PSAP: variants seen among roughly 807,000 people sequenced by gnomAD.
PSAP encodes the protein precursor of saposins.
Under a neutral mutation model 66.0 loss-of-function variants are expected in PSAP, and 25 were observed. The ratio of observed to expected loss-of-function variants is 0.38; its 90% CI spans 0.28 to 0.53. The LOEUF (loss-of-function observed/expected upper bound fraction) is 0.53. Among genes scored for constraint, PSAP ranks in the 20% least tolerant of loss-of-function variants. PSAP has a pLI of 0.83. For synonymous variants in PSAP, 273 were observed against 258.9 expected (o/e 1.05, Z -0.52); for missense variants, 649 against 668.8 (o/e 0.97, Z 0.33).
intron 1 of PSAP, among the ~76,000 whole-genome samples, chr10:71,849,699 G>A (rs1842890555): frequency 6.6e-6 from 1 of 151,868 alleles, no homozygotes; most frequent in Non-Finnish European, 1.5e-5. Flanking sequence ...TTCACAGGTG[G>A]GGTCTTGCTA....
chr10:71,835,259 T>A (rs918378993), intron 1 of PSAP, among the ~76,000 whole-genome samples: 7 of 149,336 alleles, frequency 4.7e-5, no homozygotes, highest in East Asian at 3.9e-4. Context: ...AAATAAAAAT[T>A]AAAATTAAAA....
rs1258427230 is a variant in PSAP at position 71,819,790 on chromosome 10, C to A, written c.1116G>T (p.Leu372=). The A allele has an allele frequency of 6.2e-7, 1 of 1,613,940 alleles. No homozygotes were observed. The highest frequency in any genetic ancestry group is 8.5e-7 in the Non-Finnish European group (1 of 1,179,986). Residue 372 remains leucine (L), a synonymous_variant, in exon 10 of 14, where the codon CTG becomes CTT. Transcript: ENST00000394936. ...DTYGSSILSI[L]LEEVSPELVC... ...CCAGCTCAGGGCTGACCTCCTCCAG[C>A]AGGATGGACAGGATGGAGCTGCCGT...
At chr10:71,830,981 T>C (rs1842499918) in intron 4 of PSAP, 145 bp downstream of exon 4, 4 of 1,279,696 alleles carry the variant, frequency 3.1e-6, no homozygotes, top group Non-Finnish European at 4.4e-6. Context: ...AAGGAGCTAT[T>C]CTGGATGTCA....
rs1397067517 is a variant in PSAP, at chr10:71,819,507, A to C, written c.1308T>G (p.Leu436=). ...CTGGCAGGAAGCTGCAGCCTTTCTCAAGAGCAGCCAGGATCTCCTGCTTGG... is the reference window on the plus strand; with the variant it reads ...CTGGCAGGAAGCTGCAGCCTTTCTCCAGAGCAGCCAGGATCTCCTGCTTGG... ...NSTKQEILAA[L]EKGCSFLPDP... is the part of the protein sequence containing the mutation. Residue 436 remains leucine, a synonymous_variant, in exon 11 of 14, where the codon CTT becomes CTG. Coordinates refer to ENST00000394936, the MANE Select transcript of PSAP (RefSeq NM_002778.4). The C allele has an allele frequency of 1.9e-6, 3 of 1,614,068 alleles. No individual in the cohort carries two copies. The highest frequency in any genetic ancestry group is 2.7e-5 in the African/African-American group (2 of 74,920).
At position 71,834,593 on chromosome 10, in the gene PSAP, T is replaced by C. The variant is rs1842586639; in HGVS notation, c.41-88A>G. 33 of 1,537,808 alleles carry C rather than the reference T, an allele frequency of 2.1e-5. No individual in the cohort carries two copies. In the South Asian group the frequency reaches 3.9e-4, roughly 18 times the overall value. Reference sequence around the variant, plus strand: ...ATTTCCCCAGGGCTGAGGGCGACTGTCCTTGAGCTGGACTCTGCTACTCAG... The same window carrying C: ...ATTTCCCCAGGGCTGAGGGCGACTGCCCTTGAGCTGGACTCTGCTACTCAG... On this transcript the variant is annotated intron_variant, in intron 1 of 13. Coordinates refer to ENST00000394936, the MANE Select transcript of PSAP (RefSeq NM_002778.4).
intron 6 of PSAP, 89 bp from the exon 7 acceptor site, chr10:71,825,982 T>C (rs1842393852): frequency 5.5e-6 from 6 of 1,081,322 alleles, no homozygotes; most frequent in Non-Finnish European, 5.7e-6. Context: ...TTTCCAACAG[T>C]GTCAACTGGT....
chr10:71,822,286 T>TC (rs1422914221), intron 7 of PSAP: 8 of 491,056 alleles, frequency 1.6e-5, no homozygotes, highest in Non-Finnish European at 2.6e-5. Flanking sequence ...CGAGGGAGAC[T>TC]CCCCAGCACC....
chr10:71,848,814 C>T (rs1010420169), intron 1 of PSAP, among the ~76,000 whole-genome samples: 8 of 152,176 alleles, frequency 5.3e-5, no homozygotes, highest in Admixed American at 3.9e-4. Flanking sequence ...CTGTGAAGGC[C>T]AGGGAGCATT....
intron 1 of PSAP, among the ~76,000 whole-genome samples, chr10:71,849,105 AAAAG>A (rs1406131562): frequency 3.9e-5 from 6 of 152,218 alleles, no homozygotes; most frequent in African/African-American, 1.4e-4. Context: ...GGATAATGTA[AAAAG>A]AAAGAAAAAA....
At chr10:71,825,570 CT>C in intron 7 of PSAP, 1 of 532,828 alleles carries the variant, frequency 1.9e-6, no homozygotes, top group Non-Finnish European at 3.6e-6. Context: ...AACCTGATGG[CT>C]GGCCTGAACG....
intron 4 of PSAP, among the ~76,000 whole-genome samples, chr10:71,829,667 C>A (rs759336286): frequency 5.9e-5 from 9 of 152,076 alleles, no homozygotes; most frequent in Admixed American, 1.3e-4. Context: ...CTAATACAGG[C>A]TTCCTAAATG....
At chr10:71,829,769 C>A (rs953849326) in intron 4 of PSAP, among the ~76,000 whole-genome samples, 2 of 152,022 alleles carry the variant, frequency 1.3e-5, no homozygotes, top group South Asian at 2.1e-4. Context: ...GAGGCCGAGG[C>A]GGGCGGATCG....
chr10:71,822,507 A>G, intron 7 of PSAP: 1 of 449,244 alleles, frequency 2.2e-6, no homozygotes, highest in Non-Finnish European at 4.6e-6. Flanking sequence ...TGGCTTTTTA[A>G]AAAACCACAT....
At chr10:71,832,163 C>T (rs1455998126) in intron 2 of PSAP, among the ~76,000 whole-genome samples, 1 of 152,186 alleles carries the variant, frequency 6.6e-6, no homozygotes, top group Non-Finnish European at 1.5e-5. Flanking sequence ...CTCATACCCA[C>T]ACAGCACCCC....
chr10:71,837,814 G>A (rs966563017), intron 1 of PSAP, among the ~76,000 whole-genome samples: 2 of 152,260 alleles, frequency 1.3e-5, no homozygotes, highest in African/African-American at 4.8e-5. Context: ...TGGAGAGGGA[G>A]TGGGGAATTC....
intron 2 of PSAP, among the ~76,000 whole-genome samples, chr10:71,832,713 G>A (rs900174025): frequency 5.9e-5 from 9 of 152,078 alleles, no homozygotes; most frequent in African/African-American, 2.2e-4. Flanking sequence ...GAAACAGAGG[G>A]TCAAGGGTAC....
Position 71,817,389 on chromosome 10 carries a change from A to C in PSAP, c.*52T>G. On this transcript the variant is annotated 3_prime_UTR_variant, in exon 14 of 14. Coordinates refer to ENST00000394936, the MANE Select transcript of PSAP (RefSeq NM_002778.4). ...GTGCGTTCATTCCCCCAGACACACA[A>C]GTAGAAAAAAACCAATGCTGTGGTT... The C allele has an allele frequency of 6.3e-7, 1 of 1,586,454 alleles. No individual in the cohort carries two copies. The highest frequency in any genetic ancestry group is 8.7e-7 in the Non-Finnish European group (1 of 1,154,614).
chr10:71,824,572 A>T (rs1589449293), intron 7 of PSAP, among the ~76,000 whole-genome samples: 1 of 152,252 alleles, frequency 6.6e-6, no homozygotes, highest in South Asian at 2.1e-4. Flanking sequence ...ACATCCGGCC[A>T]CCGGGGACCA....
At chr10:71,826,371 T>C (rs1001602922) in intron 6 of PSAP, among the ~76,000 whole-genome samples, 1 of 152,216 alleles carries the variant, frequency 6.6e-6, no homozygotes, top group African/African-American at 2.4e-5. Flanking sequence ...ATCTAGATAC[T>C]TCCAGTAGAC....
Sources: allele counts gnomAD v4.1 joint callset (sites outside exome capture counted in the v4.1 genomes callset), GRCh38; gene constraint gnomAD v4.1.1; transcripts MANE v1.5; gene names NCBI Gene and HGNC (gene_info 2026-07-23, HGNC 2026-07-21).